Variants in ALB observed in about 807,000 individuals in gnomAD.
The protein encoded by ALB is serum albumin.
In ALB, 37 loss-of-function variants were observed where a neutral mutation model predicts 74.5. The observed-to-expected ratio is 0.50, with a 90% CI of 0.38 to 0.65. The LOEUF (loss-of-function observed/expected upper bound fraction) is 0.65, where lower values mean the gene tolerates loss of function less well. Among genes scored for constraint, ALB ranks in the 30% least tolerant of loss-of-function variants. The pLI is 0.00. For synonymous variants in ALB, 249 were observed against 251.6 expected (o/e 0.99, Z 0.10); for missense variants, 685 against 718.7 (o/e 0.95, Z 0.54).
chr4:73,412,245 G>A, intron 7 of ALB, 120 bp downstream of exon 7: 1 of 1,263,564 alleles, frequency 7.9e-7, no homozygotes, highest in South Asian at 1.2e-5. Context: ...GCTTTCGTCT[G>A]TCCTATCTTC....
chr4:73,417,467 T>C, intron 10 of ALB, 64 bp from the exon 11 acceptor site: 1 of 1,585,746 alleles, frequency 6.3e-7, no homozygotes, highest in Non-Finnish European at 8.7e-7. Flanking sequence ...AAGTGTTCTC[T>C]GTTTTATCTA....
intron 2 of ALB, among the ~76,000 whole-genome samples, chr4:73,405,845 C>T (rs1464715466): frequency 2.0e-5 from 3 of 152,082 alleles, no homozygotes; most frequent in Non-Finnish European, 4.4e-5. Context: ...ACCTCGGCCT[C>T]CCAAAGTGCT....
intron 5 of ALB, among the ~76,000 whole-genome samples, chr4:73,410,086 C>A (rs575683754): frequency 1.3e-5 from 2 of 152,090 alleles, no homozygotes; most frequent in Non-Finnish European, 2.9e-5. Flanking sequence ...GCAATGTTTC[C>A]AGTTGGTTTC....
chr4:73,418,458 C>T, intron 12 of ALB, 147 bp downstream of exon 12: 1 of 727,756 alleles, frequency 1.4e-6, no homozygotes, highest in Non-Finnish European at 2.3e-6. Flanking sequence ...TAAGAGTACC[C>T]AGAATAAAAT....
At chr4:73,419,482 T>A (rs1719093073) in intron 12 of ALB, 25 bp from the exon 13 acceptor site, 1 of 1,604,814 alleles carries the variant, frequency 6.2e-7, no homozygotes, top group Non-Finnish European at 8.5e-7. Context: ...CTGTTTTTTT[T>A]TTTTCTTTTT....
Position 73,420,312 on chromosome 4 carries a change from A to C in ALB, c.*14A>C, listed in dbSNP as rs746946403. 23 of 1,605,354 alleles carry C rather than the reference A, an allele frequency of 1.4e-5. No individual in the cohort carries two copies. Among genetic ancestry groups the C allele is most frequent in the Non-Finnish European group, 1.4e-5 (17 of 1,172,874 alleles). On this transcript the variant is annotated 3_prime_UTR_variant, in exon 14 of 15. Coordinates refer to ENST00000295897, the MANE Select transcript of ALB (RefSeq NM_000477.7). ...TTAGGCTTATAACATCACATTTAAA[A>C]GCATCTCAGGTAACTATATTTTGAA...
chr4:73,413,252 G>T (rs1718923875), intron 7 of ALB, 168 bp from the exon 8 acceptor site: 3 of 674,898 alleles, frequency 4.4e-6, no homozygotes, highest in Non-Finnish European at 7.9e-6. Flanking sequence ...TGTTTTTGTA[G>T]TCCTATCTAC....
intron 11 of ALB, 131 bp downstream of exon 11, chr4:73,417,800 TGCAC>T (rs1719052442): frequency 2.2e-6 from 2 of 901,004 alleles, no homozygotes; most frequent in Non-Finnish European, 3.3e-6. Flanking sequence ...TGTGTGTGCA[TGCAC>T]GTGTGTGTAT....
In ALB at chr4:73,418,277, C is replaced by T. The variant is rs2149329657; in HGVS notation, c.1618C>T (p.Leu540Phe). 12 of 1,613,978 alleles carry T rather than the reference C, an allele frequency of 7.4e-6. No individual in the cohort carries two copies. Among genetic ancestry groups the T allele is most frequent in the Non-Finnish European group, 1.0e-5 (12 of 1,179,948 alleles). Residue 540 changes from leucine (L) to phenylalanine (F), a missense_variant, in exon 12 of 15, where the codon CTT becomes TTT. Leu to Phe is a conservative substitution (Grantham distance 22). Transcript: ENST00000295897. Reference protein sequence around the residue: ...TFTFHADICTLSEKERQIKKQ... With the variant: ...TFTFHADICTFSEKERQIKKQ... ...CACCTTCCATGCAGATATATGCACA[C>T]TTTCTGAGAAGGAGAGACAAATCAA...
intron 3 of ALB, among the ~76,000 whole-genome samples, 180 bp downstream of exon 3, chr4:73,406,941 A>G (rs984205914): frequency 2.0e-5 from 3 of 152,168 alleles, no homozygotes; most frequent in Non-Finnish European, 4.4e-5. Flanking sequence ...TGCTTTAGCT[A>G]TGTCCACAGT....
intron 7 of ALB, among the ~76,000 whole-genome samples, chr4:73,412,408 C>T (rs1027259599): frequency 2.0e-5 from 3 of 152,138 alleles, no homozygotes; most frequent in Non-Finnish European, 2.9e-5. Flanking sequence ...CAAGGTTTTA[C>T]TTGGCAGAAC....
intron 11 of ALB, 110 bp downstream of exon 11, chr4:73,417,779 TTGTGTGCATGTG>T (rs1278377132): frequency 1.9e-6 from 2 of 1,053,006 alleles, no homozygotes; most frequent in East Asian, 2.6e-5. Flanking sequence ...GTGTGCATGT[TTGTGTGCATGTG>T]TGTGTGCATG....
At chr4:73,414,458 G>A (rs1409401243) in intron 8 of ALB, among the ~76,000 whole-genome samples, 3 of 152,002 alleles carry the variant, frequency 2.0e-5, no homozygotes, top group Admixed American at 6.6e-5. Context: ...TCCACCTTCC[G>A]AGACAGATAC....
intron 3 of ALB, among the ~76,000 whole-genome samples, chr4:73,407,067 G>A (rs1317202873): frequency 2.0e-5 from 3 of 151,924 alleles, no homozygotes. Context: ...TTTTTGTAGA[G>A]GCTAATAGGG....
chr4:73,415,211 T>G (rs1363101131), intron 9 of ALB, 44 bp downstream of exon 9: 5 of 1,607,084 alleles, frequency 3.1e-6, no homozygotes, highest in Non-Finnish European at 3.4e-6. Context: ...TGACTGATGA[T>G]TCCAATAATG....
chr4:73,418,010 G>T, intron 11 of ALB, 78 bp from the exon 12 acceptor site: 11 of 1,374,018 alleles, frequency 8.0e-6, no homozygotes, highest in Non-Finnish European at 1.1e-5. Context: ...CACCATGCCT[G>T]GCTAATTTTT....
chr4:73,410,244 G>T, intron 5 of ALB, 68 bp from the exon 6 acceptor site: 1 of 1,232,344 alleles, frequency 8.1e-7, no homozygotes, highest in South Asian at 1.2e-5. Flanking sequence ...AGTCTCATCT[G>T]AGCTTATGGA....
chr4:73,411,147 A>G (rs1279278569), intron 6 of ALB, among the ~76,000 whole-genome samples: 1 of 152,180 alleles, frequency 6.6e-6, no homozygotes. Context: ...AATGAAAATA[A>G]TAGACATTAT....
intron 7 of ALB, chr4:73,413,152 A>G (rs1214589811): frequency 7.6e-6 from 3 of 397,340 alleles, no homozygotes; most frequent in Non-Finnish European, 1.4e-5. Context: ...AATGAAAAAA[A>G]CTTAAATGCC....
Sources: gnomAD v4.1 joint callset for allele counts (sites outside exome capture counted in the v4.1 genomes callset) on GRCh38, gnomAD v4.1.1 for gene constraint, MANE v1.5 for transcripts, NCBI Gene and HGNC (gene_info 2026-07-23, HGNC 2026-07-21) for gene names.